SLC25A46: variants seen among roughly 807,000 people sequenced by gnomAD.
The protein encoded by SLC25A46 is solute carrier family 25 member 46.
A neutral mutation model predicts 44.6 loss-of-function variants in SLC25A46; 39 were observed. That is an observed-to-expected ratio of 0.87 (90% CI 0.68 to 1.14). SLC25A46 has a LOEUF of 1.14. SLC25A46 is among the 50% of genes most tolerant of loss of function. SLC25A46 has a pLI of 0.00. For missense variants in SLC25A46, 547 were observed against 522.7 expected (o/e 1.05, Z -0.45); for synonymous variants, 202 against 185.8 (o/e 1.09, Z -0.71).
rs561087601 is a variant in SLC25A46, at chr5:110,752,132, GAGATAGTAC to G, written c.564-3328_564-3320del. 1.8e-4 allele frequency among the ~76,000 whole-genome samples: 28 copies of G among 152,180 alleles called. No individual in the cohort carries two copies. In the South Asian group the frequency reaches 3.9e-3, roughly 21 times the overall value. ...GTAACATTTACTAGGTAGAACAGGGGAGATAGTACAGATTTGCCAATATTTAGGGGTTTT... is the reference window on the plus strand; with the variant it reads ...GTAACATTTACTAGGTAGAACAGGGGAGATTTGCCAATATTTAGGGGTTTT... On this transcript the variant is annotated intron_variant, in intron 5 of 7. Transcript: ENST00000355943.
chr5:110,749,933 C>A (rs551298863), intron 5 of SLC25A46, among the ~76,000 whole-genome samples: 33 of 152,162 alleles, frequency 2.2e-4, no homozygotes, highest in Non-Finnish European at 4.3e-4. Flanking sequence ...TGTATATCAT[C>A]CTATCGATAA....
chr5:110,744,299 G>A (rs1385147021), intron 3 of SLC25A46, among the ~76,000 whole-genome samples: 1 of 152,094 alleles, frequency 6.6e-6, no homozygotes, highest in Admixed American at 6.5e-5. Flanking sequence ...CTTTGCAATT[G>A]CACCAAAACT....
chr5:110,750,668 G>GA (rs1799944489), intron 5 of SLC25A46, among the ~76,000 whole-genome samples: 1 of 152,036 alleles, frequency 6.6e-6, no homozygotes, highest in Non-Finnish European at 1.5e-5. Flanking sequence ...TGACAAGAAA[G>GA]AAAAAAACTC....
At chr5:110,756,659 A>C in intron 6 of SLC25A46, 43 bp from the exon 7 acceptor site, 10 of 1,339,252 alleles carry the variant, frequency 7.5e-6, no homozygotes, top group Non-Finnish European at 1.0e-5. Context: ...TAGTATAAGC[A>C]TCTTGTTTCA....
Position 110,761,533 on chromosome 5 carries a change from A to C in SLC25A46, c.1008A>C (p.Thr336=). The change falls in exon 8 of 8, where the codon ACA becomes ACC. Residue 336 remains threonine (T), a synonymous_variant. Coordinates refer to ENST00000355943, the MANE Select transcript of SLC25A46 (RefSeq NM_138773.4). This position sits in a 1 kb window ranked among gnomAD's most constrained non-coding sequence, Gnocchi z 5.3. The stretch of plus-strand genomic sequence containing the variant: ...ACGTTATACTTTACCCATTGGAAAC[A>C]GTTTTGCACCGCCTTCACATTCAAG... ...CSDVILYPLE[T]VLHRLHIQGT... 1 of 1,613,820 alleles carries C rather than the reference A, an allele frequency of 6.2e-7. No individual in the cohort carries two copies. Among genetic ancestry groups the C allele is most frequent in the Non-Finnish European group, 8.5e-7 (1 of 1,179,818 alleles).
chr5:110,748,339 G>T, intron 5 of SLC25A46, 76 bp downstream of exon 5: 3 of 1,154,404 alleles, frequency 2.6e-6, no homozygotes, highest in African/African-American at 3.0e-5. Context: ...ACATGTGCAG[G>T]CTTGTTACAT....
Position 110,739,322 on chromosome 5 carries a change from C to G in SLC25A46, c.203C>G (p.Thr68Ser), listed in dbSNP as rs763466158. The G allele has an allele frequency of 4.5e-6, 7 of 1,566,784 alleles. No individual in the cohort carries two copies. Among genetic ancestry groups the G allele is most frequent in the South Asian group, 1.2e-5 (1 of 85,404 alleles). ...GEKSPPYGVPTTSTPYEGPTE... is the reference protein window; with the variant it reads ...GEKSPPYGVPSTSTPYEGPTE... ...AAGAGCCCGCCCTACGGCGTGCCCA[C>G]CACCTCCACCCCGTACGAAGGCCCC... Residue 68 changes from threonine to serine, a missense_variant, in exon 1 of 8, where the codon ACC (threonine) becomes AGC (serine). By Grantham distance (58) the Thr-to-Ser change is moderately conservative (BLOSUM62 1). Coordinates refer to ENST00000355943, the MANE Select transcript of SLC25A46 (RefSeq NM_138773.4).
At chr5:110,740,803 T>C (rs1316270282) in intron 1 of SLC25A46, among the ~76,000 whole-genome samples, 6 of 151,360 alleles carry the variant, frequency 4.0e-5, no homozygotes, top group Non-Finnish European at 8.8e-5. Flanking sequence ...ATAGAAAAAA[T>C]TAGCCGGGCG....
intron 4 of SLC25A46, 61 bp from the exon 5 acceptor site, chr5:110,748,102 A>C (rs1335140156): frequency 8.7e-7 from 1 of 1,154,002 alleles, no homozygotes; most frequent in Non-Finnish European, 1.3e-6. Flanking sequence ...AGTTTTATTA[A>C]GATCTTTTGT....
At position 110,761,336 on chromosome 5, in the gene SLC25A46, C is replaced by G; in HGVS notation, c.811C>G (p.His271Asp). The part of the protein sequence containing the change: ...LLSLIFPTVL[H>D]GVLHYIISSV... ...TTCCTTGATCTTCCCTACGGTGCTT[C>G]ATGGAGTTCTTCATTACATCATCAG... The change falls in exon 8 of 8, where the codon CAT becomes GAT. Residue 271 changes from histidine to aspartate, a missense_variant. Physicochemically the swap from His to Asp is moderately conservative, Grantham distance 81. Coordinates refer to ENST00000355943, the MANE Select transcript of SLC25A46 (RefSeq NM_138773.4). This position sits in a 1 kb window ranked among gnomAD's most constrained non-coding sequence, Gnocchi z 5.3. The G allele has an allele frequency of 6.2e-7, 1 of 1,613,770 alleles. No individual in the cohort carries two copies. Among genetic ancestry groups the G allele is most frequent in the Non-Finnish European group, 8.5e-7 (1 of 1,179,808 alleles).
Position 110,763,465 on chromosome 5 carries a change from CT to C in SLC25A46, c.*1684del, listed in dbSNP as rs1800312950. On this transcript the variant is annotated 3_prime_UTR_variant, in exon 8 of 8. Coordinates refer to ENST00000355943, the MANE Select transcript of SLC25A46 (RefSeq NM_138773.4). ...AGGGGGAAAATAAAATTAAACACCA[CT>C]GATCACATTTTATATTTTATGGTGA... The C allele has an allele frequency of 6.6e-6, 1 of 151,834 alleles. No individual in the cohort carries two copies. The highest frequency in any genetic ancestry group is 2.4e-5 in the African/African-American group (1 of 41,404). The allele number at this position is 151,834 out of a possible 1,614,324, so 9.4% of individuals were successfully genotyped here. A position where few individuals can be genotyped will look rare whatever the true frequency, so the allele number is the denominator to read the frequency against.
intron 4 of SLC25A46, among the ~76,000 whole-genome samples, chr5:110,747,464 A>G (rs1026713593): frequency 2.0e-5 from 3 of 152,148 alleles, no homozygotes; most frequent in Non-Finnish European, 2.9e-5. Flanking sequence ...GAGGACTGGG[A>G]TGAAAAGGAG....
At chr5:110,738,309 CG>C (rs1249004676), upstream of SLC25A46, 1 of 1,216,862 alleles carries the variant, frequency 8.2e-7, no homozygotes, top group African/African-American at 1.6e-5. Context: ...CAATTTTGAA[CG>C]ATATAACTGG....
upstream of SLC25A46, chr5:110,738,387 A>T (rs1002557951): frequency 1.7e-5 from 9 of 533,256 alleles, no homozygotes; most frequent in Non-Finnish European, 2.0e-5. Flanking sequence ...TAGTTTCTTT[A>T]CAGCCTTAGA....
intron 1 of SLC25A46, 65 bp downstream of exon 1, chr5:110,739,467 A>G (rs765397407): frequency 2.0e-5 from 30 of 1,489,556 alleles, no homozygotes; most frequent in African/African-American, 2.9e-5. Context: ...CGGCCTGCAG[A>G]CCCCGGAAGC....
chr5:110,759,787 A>G (rs1167888480), intron 7 of SLC25A46, among the ~76,000 whole-genome samples: 1 of 152,142 alleles, frequency 6.6e-6, no homozygotes, highest in Non-Finnish European at 1.5e-5. Context: ...CTGTTGCATT[A>G]AAAATAAACT....
chr5:110,760,636 T>A (rs1800225696), intron 7 of SLC25A46, among the ~76,000 whole-genome samples: 1 of 152,128 alleles, frequency 6.6e-6, no homozygotes, highest in Admixed American at 6.6e-5. Flanking sequence ...CTTATTCATA[T>A]CCCCAAAATT....
chr5:110,758,640 G>A (rs1364777041), intron 7 of SLC25A46, among the ~76,000 whole-genome samples: 1 of 151,876 alleles, frequency 6.6e-6, no homozygotes, highest in Admixed American at 6.6e-5. Flanking sequence ...AAATTAGCCG[G>A]GTGTGGTAGT....
Position 110,746,257 on chromosome 5 carries a change from T to C in SLC25A46, c.385-12T>C. 1.3e-6 allele frequency: 2 copies of C among 1,547,602 alleles called. No homozygotes were observed. The highest frequency in any genetic ancestry group is 1.7e-6 in the Non-Finnish European group (2 of 1,144,414). ...ATTAACAGAAAAAAATAATGAAATA[T>C]CTTTTTTACAGGTTAATTACCATGC... On this transcript the variant is annotated splice_polypyrimidine_tract_variant and intron_variant, in intron 3 of 7. Coordinates refer to ENST00000355943, the MANE Select transcript of SLC25A46 (RefSeq NM_138773.4).
Sources: allele counts gnomAD v4.1 joint callset (sites outside exome capture counted in the v4.1 genomes callset), GRCh38; gene constraint gnomAD v4.1.1; non-coding constraint Gnocchi (gnomAD v3.1); transcripts MANE v1.5; gene names NCBI Gene and HGNC (gene_info 2026-07-23, HGNC 2026-07-21).